Variants in PPARGC1A observed in about 807,000 individuals in gnomAD.
The protein encoded by PPARGC1A is PPARG coactivator 1 alpha, also known as peroxisome proliferator-activated receptor gamma coactivator 1-alpha.
Under a neutral mutation model 88.7 loss-of-function variants are expected in PPARGC1A, and 25 were observed. The ratio of observed to expected loss-of-function variants is 0.28; its 90% CI spans 0.21 to 0.39. PPARGC1A has a LOEUF of 0.39. PPARGC1A is among the 10% of genes least tolerant of loss of function. The probability of loss-of-function intolerance (pLI) is 1.00; values close to 1 mark genes in which losing one functional copy is unlikely to be tolerated. For synonymous variants in PPARGC1A, 363 were observed against 355.6 expected (o/e 1.02, Z -0.24); for missense variants, 880 against 968.7 (o/e 0.91, Z 1.22).
the PPARGC1A span, among the ~76,000 whole-genome samples, chr4:23,945,944 G>T: frequency 6.6e-5 from 10 of 152,234 alleles, no homozygotes; most frequent in African/African-American, 2.4e-4. Flanking sequence ...GTCACAAAAG[G>T]CTAGAGATTC....
the PPARGC1A span, among the ~76,000 whole-genome samples, chr4:24,431,103 A>T: frequency 2.9e-5 from 4 of 137,718 alleles, no homozygotes; most frequent in East Asian, 2.2e-4. Flanking sequence ...CCAGCCTGGG[A>T]GACAGAGCAA....
chr4:23,887,858 GAGAGGGGC>G (rs531366045), intron 1 of PPARGC1A, among the ~76,000 whole-genome samples: 24 of 152,098 alleles, frequency 1.6e-4, no homozygotes, highest in Non-Finnish European at 3.4e-4. Context: ...AGGGGGTGGA[GAGAGGGGC>G]AGTAAAGAAT....
intron 7 of PPARGC1A, among the ~76,000 whole-genome samples, chr4:23,819,393 C>T (rs956973082): frequency 6.6e-6 from 1 of 152,174 alleles, no homozygotes; most frequent in East Asian, 1.9e-4. Flanking sequence ...TACTGGGTAA[C>T]AAACTGGCCT....
chr4:24,280,069 G>T, the PPARGC1A span, among the ~76,000 whole-genome samples: 3 of 152,032 alleles, frequency 2.0e-5, no homozygotes, highest in African/African-American at 7.2e-5. Context: ...AAATAGAACT[G>T]CCCTGATGCA....
the PPARGC1A span, among the ~76,000 whole-genome samples, chr4:24,454,064 G>A: frequency 5.9e-5 from 9 of 151,746 alleles, no homozygotes. Flanking sequence ...CACTACTATT[G>A]AATAAGCCTG....
chr4:24,083,147 G>C, the PPARGC1A span, among the ~76,000 whole-genome samples: 8 of 152,122 alleles, frequency 5.3e-5, no homozygotes, highest in African/African-American at 1.9e-4. Flanking sequence ...TAGGCCCTGA[G>C]AGAAATAGGC....
At chr4:24,190,920 A>G in the PPARGC1A span, among the ~76,000 whole-genome samples, 4 of 148,060 alleles carry the variant, frequency 2.7e-5, no homozygotes, top group African/African-American at 9.9e-5. Flanking sequence ...AGGGTTTCAA[A>G]TGAAGAGAAA....
chr4:24,406,462 G>A, the PPARGC1A span, among the ~76,000 whole-genome samples: 2 of 152,160 alleles, frequency 1.3e-5, no homozygotes, highest in Non-Finnish European at 2.9e-5. Flanking sequence ...GAGTGTGTCT[G>A]CATATCTCTG....
At chr4:23,870,198 C>T (rs1185857350) in intron 2 of PPARGC1A, among the ~76,000 whole-genome samples, 2 of 152,344 alleles carry the variant, frequency 1.3e-5, no homozygotes, top group South Asian at 4.1e-4. Flanking sequence ...TCCACATAGG[C>T]ACTGGTGCAG....
At chr4:24,316,838 GTATTC>G in the PPARGC1A span, among the ~76,000 whole-genome samples, 1 of 152,204 alleles carries the variant, frequency 6.6e-6, no homozygotes, top group Non-Finnish European at 1.5e-5. Flanking sequence ...ACAAGCTCGG[GTATTC>G]TTGAAGCCAC....
the PPARGC1A span, among the ~76,000 whole-genome samples, chr4:24,020,148 C>T: frequency 6.6e-6 from 1 of 152,270 alleles, no homozygotes; most frequent in Admixed American, 6.5e-5. Context: ...AGAGGAACTG[C>T]AATATTGACC....
chr4:24,222,894 T>A, the PPARGC1A span, among the ~76,000 whole-genome samples: 1 of 152,142 alleles, frequency 6.6e-6, no homozygotes, highest in Non-Finnish European at 1.5e-5. Context: ...TTATGCCACC[T>A]CCCAAATAAT....
At chr4:24,213,433 G>A in the PPARGC1A span, among the ~76,000 whole-genome samples, 6 of 151,978 alleles carry the variant, frequency 3.9e-5, no homozygotes, top group African/African-American at 9.7e-5. Flanking sequence ...CCCAAAGTGC[G>A]GGGATTACAG....
chr4:23,942,889 T>A, the PPARGC1A span, among the ~76,000 whole-genome samples: 4 of 152,220 alleles, frequency 2.6e-5, no homozygotes, highest in African/African-American at 4.8e-5. Context: ...CAGAAATACT[T>A]CAAGCAATGT....
the PPARGC1A span, among the ~76,000 whole-genome samples, chr4:24,434,173 A>T: frequency 6.6e-6 from 1 of 152,360 alleles, no homozygotes; most frequent in Non-Finnish European, 1.5e-5. Context: ...ACAACAGATG[A>T]CAGAGGGGGC....
In PPARGC1A at chr4:23,819,829, G is replaced by A. The variant is rs182461154; in HGVS notation, c.877+4451C>T. ...TCCTTTCTTAGATTCTTGAAGCACA[G>A]GAATAGATTATGTGGCCTGTCAAAA... On this transcript the variant is annotated intron_variant, in intron 7 of 12. Coordinates refer to ENST00000264867, the MANE Select transcript of PPARGC1A (RefSeq NM_013261.5). Among the ~76,000 whole-genome samples the A allele has an allele frequency of 4.9e-3, 745 of 152,238 alleles. 4 individuals carry two copies. The highest frequency in any genetic ancestry group is 8.1e-3 in the Non-Finnish European group (548 of 67,998).
At chr4:24,041,807 T>G in the PPARGC1A span, among the ~76,000 whole-genome samples, 1 of 151,980 alleles carries the variant, frequency 6.6e-6, no homozygotes, top group Non-Finnish European at 1.5e-5. Flanking sequence ...AAGAAAACAG[T>G]TTTTATTTTC....
the PPARGC1A span, among the ~76,000 whole-genome samples, chr4:24,380,112 T>A: frequency 6.6e-6 from 1 of 152,102 alleles, no homozygotes; most frequent in African/African-American, 2.4e-5. Context: ...ATATATAGTT[T>A]TTTTTTTAAT....
At chr4:23,872,536 A>G (rs924864803) in intron 2 of PPARGC1A, among the ~76,000 whole-genome samples, 1 of 152,190 alleles carries the variant, frequency 6.6e-6, no homozygotes, top group Non-Finnish European at 1.5e-5. Flanking sequence ...AGGTGAAGGC[A>G]TTTCTAAAGA....
Sources: gnomAD v4.1 joint callset for allele counts (sites outside exome capture counted in the v4.1 genomes callset) on GRCh38, gnomAD v4.1.1 for gene constraint, MANE v1.5 for transcripts, NCBI Gene and HGNC (gene_info 2026-07-23, HGNC 2026-07-21) for gene names.